Variants in C19orf25 observed in about 807,000 individuals in gnomAD.
C19orf25 encodes UPF0449 protein C19orf25.
In C19orf25, 1 loss-of-function variant was observed where a neutral mutation model predicts 3.1. That is an observed-to-expected ratio of 0.32 (90% CI 0.12 to 1.54). The LOEUF is 1.54. C19orf25 is among the 40% of genes most tolerant of loss of function. The pLI is 0.38. For missense variants in C19orf25, 196 were observed against 160.4 expected (o/e 1.22, Z -1.20); for synonymous variants, 91 against 74.3 (o/e 1.23, Z -1.16).
In C19orf25 at chr19:1,474,827, GGACGGA is replaced by G. The variant is rs1381168230; in HGVS notation, c.*199_*204del. On this transcript the variant is annotated 3_prime_UTR_variant, in exon 3 of 3. Transcript: ENST00000585675. ...CCCAGTGGGGCCCTCAGGTCACGCA[GGACGGA>G]GCCAGCTGGGTGGGTCCCACCAACT... is the stretch of plus-strand genomic sequence containing the variant. 6.9e-7 allele frequency: 1 copy of G among 1,459,358 alleles called. No homozygotes were observed. The highest frequency in any genetic ancestry group is 1.4e-5 in the African/African-American group (1 of 70,686). The allele number at this position is 1,459,358 out of a possible 1,614,324, so 90.4% of individuals were successfully genotyped here. A position where few individuals can be genotyped will look rare whatever the true frequency, so the allele number is the denominator to read the frequency against.
Position 1,474,849 on chromosome 19 carries a change from C to G in C19orf25, c.*183G>C. ...GCAGGACGGAGCCAGCTGGGTGGGT[C>G]CCACCAACTCGGCATGAATGAGACG... is the stretch of plus-strand genomic sequence containing the variant. On this transcript the variant is annotated 3_prime_UTR_variant, in exon 3 of 3. Transcript: ENST00000585675. 4 of 1,473,132 alleles carry G rather than the reference C, an allele frequency of 2.7e-6. No individual in the cohort carries two copies. The highest frequency in any genetic ancestry group is 1.8e-6 in the Non-Finnish European group (2 of 1,112,508). 91.3% of individuals were successfully genotyped at this position (1,473,132 alleles called of 1,614,324 possible). A position where few individuals can be genotyped will look rare whatever the true frequency, so the allele number is the denominator to read the frequency against.
At chr19:1,478,929 G>T in intron 1 of C19orf25, 24 bp from the exon 2 acceptor site, 1 of 1,571,808 alleles carries the variant, frequency 6.4e-7, no homozygotes, top group South Asian at 1.2e-5. Context: ...AGGGGGCGCT[G>T]ACCGGGGCGT....
At chr19:1,475,773 G>C (rs1015287038) in intron 2 of C19orf25, 5 of 186,016 alleles carry the variant, frequency 2.7e-5, no homozygotes, top group African/African-American at 9.3e-5. Context: ...TGGCAGGAGG[G>C]GCTTCCAGCT....
chr19:1,477,815 TTTTAC>T (rs1293753132), intron 2 of C19orf25, among the ~76,000 whole-genome samples: 6 of 152,106 alleles, frequency 3.9e-5, no homozygotes, highest in Non-Finnish European at 7.3e-5. Context: ...ACCACCTCTG[TTTTAC>T]TTTATTTATT....
At chr19:1,478,571 G>A in intron 2 of C19orf25, 1 of 1,382,218 alleles carries the variant, frequency 7.2e-7, no homozygotes, top group South Asian at 1.7e-5. Context: ...ACAGCGCCCG[G>A]CCTCCACCCC....
At position 1,473,750 on chromosome 19, in the gene C19orf25, C is replaced by T. The variant is rs564096473; in HGVS notation, c.*1282G>A. On this transcript the variant is annotated 3_prime_UTR_variant, in exon 3 of 3. Coordinates refer to ENST00000585675, the MANE Select transcript of C19orf25 (RefSeq NM_152482.3). ...AGGAAAGCTATGACTGCAAGCAGCA[C>T]AGAAGTGCAGGGTGGGAAGGGATGG... 11 of 152,630 alleles carry T rather than the reference C, an allele frequency of 7.2e-5. No homozygotes were observed. In the East Asian group the frequency reaches 2.1e-3, roughly 29 times the overall value. 9.5% of individuals were successfully genotyped at this position (152,630 alleles called of 1,614,324 possible).
Position 1,478,793 on chromosome 19 carries a change from G to C in C19orf25, c.111C>G (p.Phe37Leu). The change falls in exon 2 of 3, where the codon TTC becomes TTG. Residue 37 changes from phenylalanine (F) to leucine (L), a missense_variant. Coordinates refer to ENST00000585675, the MANE Select transcript of C19orf25 (RefSeq NM_152482.3). ...CCCTACCTTCCGGGGCCAGGATGGTGAACACTGGATCCTCTGCCGGCGCAC... is the reference window on the plus strand; with the variant it reads ...CCCTACCTTCCGGGGCCAGGATGGTCAACACTGGATCCTCTGCCGGCGCAC... ...VRGAPAEDPV[F>L]TILAPEDPPV... 6.3e-7 allele frequency: 1 copy of C among 1,580,120 alleles called. No individual in the cohort carries two copies. The highest frequency in any genetic ancestry group is 1.4e-5 in the African/African-American group (1 of 74,030).
intron 2 of C19orf25, among the ~76,000 whole-genome samples, chr19:1,477,928 CT>C (rs754949238): frequency 1.3e-5 from 2 of 152,218 alleles, no homozygotes; most frequent in South Asian, 4.1e-4. Flanking sequence ...CAACCTCCGA[CT>C]CCCAGGTTCA....
In C19orf25 at chr19:1,478,885, T is replaced by A. The variant is rs1195909284; in HGVS notation, c.19A>T (p.Lys7Ter). The A allele has an allele frequency of 6.3e-7, 1 of 1,595,906 alleles. No individual in the cohort carries two copies. Among genetic ancestry groups the A allele is most frequent in the Non-Finnish European group, 8.5e-7 (1 of 1,173,162 alleles). Residue 7 changes from lysine (K) to a stop codon, truncating the protein, a stop_gained, in exon 2 of 3, where the codon AAG becomes TAG. Transcript: ENST00000585675. LOFTEE classifies it high-confidence loss of function. ...GGGCGGGTGGGCAGCAGCACGCGCT[T>A]CTTTGCCTTGGAGCCCATCTCTGAA... is the stretch of plus-strand genomic sequence containing the variant. MGSKAK[K>*]RVLLPTRPAP... is the part of the protein sequence containing the mutation.
chr19:1,475,134 C>T lies in C19orf25; in HGVS notation c.255G>A (p.Gln85=). 1.9e-6 allele frequency: 3 copies of T among 1,599,656 alleles called. No homozygotes were observed. The highest frequency in any genetic ancestry group is 2.6e-6 in the Non-Finnish European group (3 of 1,174,318). ...CGGCTCGCTGCAGGAGCTCACACCT[C>T]TGCCTCAGCACGTTGCCCGCCTGCT... ...RLQQAGNVLR[Q]RCELLQRAGE... Residue 85 remains glutamine, a synonymous_variant, in exon 3 of 3, where the codon CAG becomes CAA. Coordinates refer to ENST00000585675, the MANE Select transcript of C19orf25 (RefSeq NM_152482.3).
rs1158580835 is a variant in C19orf25, at chr19:1,478,825, C to T, written c.79G>A (p.Val27Met). The change falls in exon 2 of 3, where the codon GTG becomes ATG. Residue 27 changes from valine to methionine, a missense_variant. By Grantham distance (21) the Val-to-Met change is conservative. Transcript: ENST00000585675. ...GGATCCTCTGCCGGCGCACCCCGCA[C>T]ATCCTCCAGGATCTGCTCCACCGTG... is the stretch of plus-strand genomic sequence containing the variant. ...PPTVEQILED[V>M]RGAPAEDPVF... 1.9e-6 allele frequency: 3 copies of T among 1,594,274 alleles called. No individual in the cohort carries two copies. The highest frequency in any genetic ancestry group is 3.5e-5 in the Admixed American group (2 of 57,814).
chr19:1,478,689 T>A (rs1266346544), intron 2 of C19orf25, 85 bp downstream of exon 2: 1 of 1,520,844 alleles, frequency 6.6e-7, no homozygotes, highest in East Asian at 2.5e-5. Context: ...GGGCGTGGGG[T>A]CAGGAGTTAG....
At position 1,474,947 on chromosome 19, in the gene C19orf25, T is replaced by A. The variant is rs578241859; in HGVS notation, c.*85A>T. 1,138 of 1,529,926 alleles carry A rather than the reference T, an allele frequency of 7.4e-4. 4 individuals are homozygous for A. Among genetic ancestry groups the A allele is most frequent in the Admixed American group, 4.9e-3 (249 of 50,824 alleles). 94.8% of individuals were successfully genotyped at this position (1,529,926 alleles called of 1,614,324 possible). On this transcript the variant is annotated 3_prime_UTR_variant, in exon 3 of 3. Coordinates refer to ENST00000585675, the MANE Select transcript of C19orf25 (RefSeq NM_152482.3). ...CCCACGTGGGCTGGGACCCCGTGAA[T>A]GCCAGTCTGGGGCCGACGGACCCCC...
rs199723400 is a variant in C19orf25, at chr19:1,478,861, G to A, written c.43C>T (p.Pro15Ser). The A allele has an allele frequency of 2.2e-4, 350 of 1,594,404 alleles. 1 individual carries two copies. The highest frequency in any genetic ancestry group is 2.8e-4 in the Non-Finnish European group (325 of 1,172,434). The change falls in exon 2 of 3, where the codon CCA becomes TCA. Residue 15 changes from proline (P) to serine (S), a missense_variant. By Grantham distance (74) the Pro-to-Ser change is moderately conservative (BLOSUM62 -1). Coordinates refer to ENST00000585675, the MANE Select transcript of C19orf25 (RefSeq NM_152482.3). ...AKKRVLLPTR[P>S]APPTVEQILE... ...ATCTGCTCCACCGTGGGGGGCGCTG[G>A]GCGGGTGGGCAGCAGCACGCGCTTC...
intron 2 of C19orf25, among the ~76,000 whole-genome samples, chr19:1,477,603 A>G (rs1210047808): frequency 6.6e-6 from 1 of 152,216 alleles, no homozygotes; most frequent in Non-Finnish European, 1.5e-5. Context: ...TTCTGGTGTG[A>G]GAGCAGCCAC....
At position 1,478,622 on chromosome 19, in the gene C19orf25, G is replaced by A. The variant is rs184013131; in HGVS notation, c.130+152C>T. 3.7e-3 allele frequency: 5,249 copies of A among 1,435,240 alleles called. 17 individuals are homozygous for A. Among genetic ancestry groups the A allele is most frequent in the Non-Finnish European group, 4.2e-3 (4,624 of 1,094,306 alleles). The allele number at this position is 1,435,240 out of a possible 1,614,324, so 88.9% of individuals were successfully genotyped here. On this transcript the variant is annotated intron_variant, in intron 2 of 2. Transcript: ENST00000585675. The stretch of plus-strand genomic sequence containing the variant: ...CTGAAAATCGGTCCCACTCTACGGA[G>A]GAGTAGAGGGAGACTCGGAGAGGAT...
Position 1,474,805 on chromosome 19 carries a change from A to C in C19orf25, c.*227T>G, listed in dbSNP as rs1262375604. On this transcript the variant is annotated 3_prime_UTR_variant, in exon 3 of 3. Coordinates refer to ENST00000585675, the MANE Select transcript of C19orf25 (RefSeq NM_152482.3). ...TGTCCCTATCCTCTTCCAGAACCCC[A>C]GTGGGGCCCTCAGGTCACGCAGGAC... The C allele has an allele frequency of 6.9e-7, 1 of 1,440,610 alleles. No homozygotes were observed. Among genetic ancestry groups the C allele is most frequent in the Non-Finnish European group, 9.1e-7 (1 of 1,099,480 alleles). 89.2% of individuals were successfully genotyped at this position (1,440,610 alleles called of 1,614,324 possible).
rs973025245 is a variant in C19orf25 at position 1,474,880 on chromosome 19, T to C, written c.*152A>G. ...AACTCGGCATGAATGAGACGACGGATGAACCGCAGCCCCAGCATCAGGAGG... is the reference window on the plus strand; with the variant it reads ...AACTCGGCATGAATGAGACGACGGACGAACCGCAGCCCCAGCATCAGGAGG... On this transcript the variant is annotated 3_prime_UTR_variant, in exon 3 of 3. Transcript: ENST00000585675. The C allele has an allele frequency of 4.0e-6, 6 of 1,500,736 alleles. No individual in the cohort carries two copies. The highest frequency in any genetic ancestry group is 3.4e-4 in the Middle Eastern group (2 of 5,820). The allele number at this position is 1,500,736 out of a possible 1,614,324, so 93.0% of individuals were successfully genotyped here.
At chr19:1,476,357 T>A in intron 2 of C19orf25, 1 of 398,614 alleles carries the variant, frequency 2.5e-6, no homozygotes, top group Non-Finnish European at 4.4e-6. Flanking sequence ...GGAGGCCCCC[T>A]ACCTTCTGTG....
Sources: allele counts gnomAD v4.1 joint callset (sites outside exome capture counted in the v4.1 genomes callset), GRCh38; gene constraint gnomAD v4.1.1; transcripts MANE v1.5; gene names NCBI Gene and HGNC (gene_info 2026-07-23, HGNC 2026-07-21).